SNTG2: variants seen among roughly 807,000 people sequenced by gnomAD.
SNTG2 encodes the protein gamma-2-syntrophin.
A neutral mutation model predicts 70.9 loss-of-function variants in SNTG2; 74 were observed. The ratio of observed to expected loss-of-function variants is 1.04; its 90% CI spans 0.86 to 1.27. The LOEUF (loss-of-function observed/expected upper bound fraction) is 1.27. Ranked by LOEUF, SNTG2 falls within the 50% of genes most tolerant of loss-of-function variation. SNTG2 has a pLI of 0.00. For missense variants in SNTG2, 717 were observed against 690.7 expected (o/e 1.04, Z -0.43); for synonymous variants, 278 against 273.8 (o/e 1.02, Z -0.15).
At chr2:1,346,938 C>G (rs113196760) in intron 16 of SNTG2, among the ~76,000 whole-genome samples, 7 of 152,152 alleles carry the variant, frequency 4.6e-5, no homozygotes, top group African/African-American at 1.4e-4. Context: ...AAGATGAAGT[C>G]ATCTGCATCC....
At chr2:1,219,343 G>C (rs1382195021) in intron 9 of SNTG2, among the ~76,000 whole-genome samples, 1 of 151,194 alleles carries the variant, frequency 6.6e-6, no homozygotes. Flanking sequence ...AAATTATCCA[G>C]TCTTGCGTAT....
Position 1,237,926 on chromosome 2 carries a change from G to C in SNTG2, c.758G>C (p.Ser253Thr). The C allele has an allele frequency of 6.2e-7, 1 of 1,607,004 alleles. No individual in the cohort carries two copies. Among genetic ancestry groups the C allele is most frequent in the Non-Finnish European group, 8.5e-7 (1 of 1,177,086 alleles). ...AFEVLALDGV[S>T]SGILRFYTAQ... ...GAGGTGCTCGCCCTGGACGGAGTCA[G>C]CTCTGGGATCCTCCGGTTTTACACA... Residue 253 changes from serine (S) to threonine (T), a missense_variant, in exon 10 of 17, where the codon AGC becomes ACC. Ser to Thr is a moderately conservative substitution (Grantham distance 58, BLOSUM62 1). Transcript: ENST00000308624.
chr2:1,122,651 A>G (rs1667445736), intron 4 of SNTG2, among the ~76,000 whole-genome samples: 1 of 151,974 alleles, frequency 6.6e-6, no homozygotes, highest in African/African-American at 2.4e-5. Context: ...GATCCTCTGC[A>G]AGACAAGGAT....
chr2:1,048,845 C>T (rs1036341261), intron 1 of SNTG2, among the ~76,000 whole-genome samples: 1 of 152,106 alleles, frequency 6.6e-6, no homozygotes, highest in Non-Finnish European at 1.5e-5. Context: ...TTCATTCACC[C>T]TCTTTGATTT....
chr2:1,112,096 A>G (rs1346605057), intron 4 of SNTG2, among the ~76,000 whole-genome samples: 1 of 150,968 alleles, frequency 6.6e-6, no homozygotes, highest in East Asian at 2.0e-4. Context: ...GTGAGGTTAA[A>G]CCCTTACAGT....
At chr2:998,034 A>G (rs1356370613) in intron 1 of SNTG2, among the ~76,000 whole-genome samples, 1 of 152,230 alleles carries the variant, frequency 6.6e-6, no homozygotes, top group Non-Finnish European at 1.5e-5. Flanking sequence ...TGAGAAAGCC[A>G]TCATACAAAG....
At chr2:1,214,349 C>G (rs945164879) in intron 9 of SNTG2, among the ~76,000 whole-genome samples, 1 of 152,094 alleles carries the variant, frequency 6.6e-6, no homozygotes, top group African/African-American at 2.4e-5. Context: ...AGTATGGTAT[C>G]TAAACAACAT....
At chr2:1,302,547 A>G (rs1680500652) in intron 14 of SNTG2, among the ~76,000 whole-genome samples, 1 of 151,932 alleles carries the variant, frequency 6.6e-6, no homozygotes, top group Non-Finnish European at 1.5e-5. Context: ...TGCTAAAAAA[A>G]AAAAAAAAAA....
At chr2:989,142 A>C (rs1313504207) in intron 1 of SNTG2, among the ~76,000 whole-genome samples, 1 of 152,058 alleles carries the variant, frequency 6.6e-6, no homozygotes, top group Non-Finnish European at 1.5e-5. Flanking sequence ...ATTATTCAAG[A>C]TTTTCTATGT....
intron 4 of SNTG2, among the ~76,000 whole-genome samples, chr2:1,135,551 C>T (rs990041238): frequency 5.9e-5 from 9 of 152,152 alleles, no homozygotes; most frequent in African/African-American, 1.4e-4. Flanking sequence ...AAAACCACGT[C>T]TCTACTAAAA....
Position 1,115,829 on chromosome 2 carries a change from G to A in SNTG2, c.325+17419G>A, listed in dbSNP as rs376332102. ...GAAGAGTCTCCCTTGTGCAGGGACA[G>A]TCACTGAAGTTTGGGGAAGTCTAGG... is the stretch of plus-strand genomic sequence containing the variant. On this transcript the variant is annotated intron_variant, in intron 4 of 16. Transcript: ENST00000308624. 2.9e-4 allele frequency among the ~76,000 whole-genome samples: 44 copies of A among 152,356 alleles called. 1 individual carries two copies. The highest frequency in any genetic ancestry group is 1.0e-3 in the African/African-American group (43 of 41,596).
At chr2:961,137 C>T (rs1464344245) in intron 1 of SNTG2, among the ~76,000 whole-genome samples, 4 of 152,120 alleles carry the variant, frequency 2.6e-5, no homozygotes, top group Non-Finnish European at 5.9e-5. Context: ...GTAAATAAAA[C>T]CAACTTTATT....
At chr2:1,185,877 C>A (rs1672214140) in intron 8 of SNTG2, among the ~76,000 whole-genome samples, 1 of 152,218 alleles carries the variant, frequency 6.6e-6, no homozygotes, top group South Asian at 2.1e-4. Flanking sequence ...TAAATTTCTG[C>A]AACTGGCTGG....
intron 14 of SNTG2, among the ~76,000 whole-genome samples, chr2:1,279,073 G>A (rs949265760): frequency 3.6e-5 from 3 of 82,784 alleles, no homozygotes; most frequent in Non-Finnish European, 5.3e-5. Context: ...GTCAGTGCGC[G>A]AATGACCCCT....
intron 1 of SNTG2, among the ~76,000 whole-genome samples, chr2:1,001,188 A>G (rs1014017626): frequency 4.6e-5 from 7 of 151,912 alleles, no homozygotes; most frequent in Admixed American, 4.6e-4. Flanking sequence ...CACCAAAAAC[A>G]TGCTCCTAAG....
At chr2:1,007,291 C>T (rs1025161240) in intron 1 of SNTG2, among the ~76,000 whole-genome samples, 2 of 152,122 alleles carry the variant, frequency 1.3e-5, no homozygotes, top group Non-Finnish European at 2.9e-5. Flanking sequence ...CTGACCCACA[C>T]GATCCTAGGC....
intron 14 of SNTG2, among the ~76,000 whole-genome samples, chr2:1,306,846 G>A (rs1256398573): frequency 6.6e-6 from 1 of 151,444 alleles, no homozygotes; most frequent in East Asian, 1.9e-4. Flanking sequence ...CTGTGTGCGT[G>A]CACGTGTGTA....
chr2:1,327,208 A>G (rs1021182077), intron 16 of SNTG2, among the ~76,000 whole-genome samples: 2 of 152,118 alleles, frequency 1.3e-5, no homozygotes, highest in Non-Finnish European at 2.9e-5. Flanking sequence ...CAATTTATGA[A>G]TACACATTTT....
chr2:1,017,834 A>G (rs1220896847), intron 1 of SNTG2, among the ~76,000 whole-genome samples: 1 of 152,228 alleles, frequency 6.6e-6, no homozygotes, highest in East Asian at 1.9e-4. Flanking sequence ...GAATGCATCA[A>G]TAACTGTCAG....
Sources: gnomAD v4.1 joint callset for allele counts (sites outside exome capture counted in the v4.1 genomes callset) on GRCh38, gnomAD v4.1.1 for gene constraint, MANE v1.5 for transcripts, NCBI Gene and HGNC (gene_info 2026-07-23, HGNC 2026-07-21) for gene names.